Variants in BEND7 observed in about 807,000 individuals in gnomAD.
BEND7 encodes BEN domain containing 7, also known as BEN domain-containing protein 7.
In BEND7, 28 loss-of-function variants were observed where a neutral mutation model predicts 50.9. The ratio of observed to expected loss-of-function variants is 0.55; its 90% CI spans 0.41 to 0.75. The LOEUF (loss-of-function observed/expected upper bound fraction) is 0.75. Ranked by LOEUF, BEND7 falls within the 30% of genes least tolerant of loss-of-function variation. The pLI is 0.00. For synonymous variants in BEND7, 170 were observed against 183.9 expected (o/e 0.92, Z 0.61); for missense variants, 477 against 491.3 (o/e 0.97, Z 0.28).
downstream of BEND7, chr10:13,439,534 T>A: frequency 6.5e-7 from 1 of 1,547,920 alleles, no homozygotes; most frequent in Middle Eastern, 1.7e-4. Flanking sequence ...AATGAATGAA[T>A]GGAGTAACTC....
chr10:13,475,535 C>G (rs1453342416), intron 6 of BEND7, among the ~76,000 whole-genome samples: 1 of 152,204 alleles, frequency 6.6e-6, no homozygotes, highest in African/African-American at 2.4e-5. Flanking sequence ...TCCTCCCAAG[C>G]ACAGTGGAGC....
chr10:13,527,708 C>T, intron 1 of BEND7: 1 of 385,928 alleles, frequency 2.6e-6, no homozygotes, highest in Non-Finnish European at 3.5e-6. Flanking sequence ...CACGATGGCT[C>T]TTGAGTTATC....
chr10:13,456,407 C>G (rs1564523168), intron 6 of BEND7, among the ~76,000 whole-genome samples: 1 of 152,210 alleles, frequency 6.6e-6, no homozygotes, highest in African/African-American at 2.4e-5. Flanking sequence ...GCTAGGCCGT[C>G]TGTCATGTGG....
chr10:13,513,941 C>A (rs1161882049), intron 2 of BEND7, among the ~76,000 whole-genome samples: 7 of 152,202 alleles, frequency 4.6e-5, no homozygotes, highest in Non-Finnish European at 4.4e-5. Flanking sequence ...GGACTCTATT[C>A]AAGACAATTC....
downstream of BEND7, chr10:13,439,544 C>G: frequency 6.6e-7 from 1 of 1,523,048 alleles, no homozygotes; most frequent in Non-Finnish European, 8.8e-7. Flanking sequence ...TGGAGTAACT[C>G]ACCTGTCTCC....
At chr10:13,448,892 G>T (rs1383864672) in intron 7 of BEND7, among the ~76,000 whole-genome samples, 8 of 151,176 alleles carry the variant, frequency 5.3e-5, no homozygotes, top group African/African-American at 9.7e-5. Context: ...GGAGAATGGT[G>T]TGAACCCGGG....
chr10:13,467,352 C>G (rs1198187507), intron 6 of BEND7, among the ~76,000 whole-genome samples: 3 of 152,168 alleles, frequency 2.0e-5, no homozygotes, highest in African/African-American at 7.2e-5. Context: ...TTTAGCCTAA[C>G]TATGGATTCC....
At chr10:13,505,626 G>C (rs572358135) in intron 2 of BEND7, among the ~76,000 whole-genome samples, 1 of 152,296 alleles carries the variant, frequency 6.6e-6, no homozygotes, top group South Asian at 2.1e-4. Context: ...CCCCTGACTG[G>C]GAGCCTGCCC....
intron 6 of BEND7, among the ~76,000 whole-genome samples, chr10:13,458,857 ACT>A: frequency 6.6e-6 from 1 of 152,014 alleles, no homozygotes; most frequent in Middle Eastern, 3.4e-3. Context: ...GGTCCCTCCC[ACT>A]CTCTTTCCTC....
At chr10:13,439,346 G>C (rs1246245765), downstream of BEND7, 1 of 1,614,128 alleles carries the variant, frequency 6.2e-7, no homozygotes, top group Admixed American at 1.7e-5. Context: ...CTCTGTCTCT[G>C]GTAAGGTTGT....
chr10:13,491,986 G>A lies in BEND7; in HGVS notation c.837+625C>T, dbSNP rs567473574. Among the ~76,000 whole-genome samples, 11 of 151,574 alleles carry A rather than the reference G, an allele frequency of 7.3e-5. No homozygotes were observed. The South Asian group carries it at 1.7e-3, about 23-fold the overall frequency. ...ATATAGTGCACTATTAAACACATTC[G>A]TTTATGGTCCTATGAATGTAAAATA... On this transcript the variant is annotated intron_variant, in intron 5 of 8. Coordinates refer to ENST00000466271, the MANE Select transcript of BEND7 (RefSeq NM_001369863.1).
At chr10:13,520,656 T>C (rs1484657865) in intron 2 of BEND7, among the ~76,000 whole-genome samples, 1 of 152,166 alleles carries the variant, frequency 6.6e-6, no homozygotes, top group African/African-American at 2.4e-5. Flanking sequence ...CACTGGAAAG[T>C]GTGGTCAGCT....
chr10:13,446,833 AC>A, intron 8 of BEND7: 1 of 229,098 alleles, frequency 4.4e-6, no homozygotes, highest in Non-Finnish European at 8.4e-6. Context: ...CATAGTATTC[AC>A]TGGGTGTCCA....
chr10:13,527,875 TTTTC>T (rs950772055), intron 1 of BEND7: 6 of 976,920 alleles, frequency 6.1e-6, no homozygotes, highest in Middle Eastern at 5.2e-4. Context: ...GATGGATTTC[TTTTC>T]TTTCTTTTCT....
chr10:13,528,315 G>A (rs1294585714), intron 1 of BEND7, among the ~76,000 whole-genome samples, 158 bp downstream of exon 1: 4 of 151,222 alleles, frequency 2.6e-5, no homozygotes, highest in African/African-American at 7.3e-5. Flanking sequence ...GCCGCCCGGC[G>A]TGTGCGGCCG....
At chr10:13,442,575 C>A (rs935943103) in intron 8 of BEND7, 1 of 152,154 alleles carries the variant, frequency 6.6e-6, no homozygotes, top group Non-Finnish European at 1.5e-5. Flanking sequence ...GGCAAGTATA[C>A]TAGGAACCAA....
rs772435288 is a variant in BEND7, at chr10:13,452,585, T to C, written c.1137A>G (p.Leu379=). The change falls in exon 7 of 9, where the codon CTA becomes CTG. Residue 379 remains leucine (L), a synonymous_variant. Coordinates refer to ENST00000466271, the MANE Select transcript of BEND7 (RefSeq NM_001369863.1). ...TTCTGGCCAGTTTAATTTGATCCTG[T>C]AGAATCTGTACCCAATCTCTTGGGC... is the stretch of plus-strand genomic sequence containing the variant. ...LPGPRDWVQI[L]QDQIKLARRR... is the part of the protein sequence containing the mutation. 150 of 1,613,624 alleles carry C rather than the reference T, an allele frequency of 9.3e-5. No homozygotes were observed. Among genetic ancestry groups the C allele is most frequent in the Non-Finnish European group, 6.8e-6 (8 of 1,179,774 alleles).
At chr10:13,457,185 T>C (rs903643709) in intron 6 of BEND7, among the ~76,000 whole-genome samples, 10 of 152,230 alleles carry the variant, frequency 6.6e-5, no homozygotes, top group Non-Finnish European at 1.2e-4. Flanking sequence ...TAGAAAGTCA[T>C]GGCTCCAAAT....
chr10:13,499,258 A>C (rs960760548), intron 3 of BEND7, among the ~76,000 whole-genome samples: 3 of 152,232 alleles, frequency 2.0e-5, no homozygotes, highest in Admixed American at 1.3e-4. Context: ...TTGCTAATGA[A>C]GCATGTTACA....
Sources: gnomAD v4.1 joint callset for allele counts (sites outside exome capture counted in the v4.1 genomes callset) on GRCh38, gnomAD v4.1.1 for gene constraint, MANE v1.5 for transcripts, NCBI Gene and HGNC (gene_info 2026-07-23, HGNC 2026-07-21) for gene names.